The following TTLL13 variants were observed in gnomAD, a reference collection of about 807,000 sequenced individuals.
TTLL13 encodes tubulin tyrosine ligase like 13, also known as tubulin polyglutamylase TTLL13.
At chr15:90,255,878 C>T in the TTLL13 span, 9 of 1,614,174 alleles carry the variant, frequency 5.6e-6, no homozygotes, top group Admixed American at 1.5e-4. Flanking sequence ...CTGGTGCCTC[C>T]CCGCAGAGTG....
At chr15:90,253,480 A>C in the TTLL13 span, 49 of 587,976 alleles carry the variant, frequency 8.3e-5, no homozygotes, top group Middle Eastern at 1.1e-3. Context: ...CCCCTTGTGC[A>C]GACAAGAAAG....
the TTLL13 span, chr15:90,255,635 T>G: frequency 6.9e-7 from 1 of 1,438,886 alleles, no homozygotes; most frequent in Non-Finnish European, 9.6e-7. Context: ...GGTGCAGTGC[T>G]TACCTCCACT....
At chr15:90,257,641 A>G in the TTLL13 span, 3 of 1,614,140 alleles carry the variant, frequency 1.9e-6, no homozygotes, top group Non-Finnish European at 2.5e-6. Flanking sequence ...CCACAGGACA[A>G]TGTCTGCATG....
the TTLL13 span, chr15:90,265,088 C>T: frequency 7.5e-7 from 1 of 1,332,922 alleles, no homozygotes; most frequent in African/African-American, 1.5e-5. Flanking sequence ...TGCCCAGGAA[C>T]CCCATTTGTA....
At chr15:90,250,646 T>A in the TTLL13 span, 1 of 1,614,040 alleles carries the variant, frequency 6.2e-7, no homozygotes, top group Non-Finnish European at 8.5e-7. Flanking sequence ...GCCGAGTACC[T>A]GTAGGACCAT....
At chr15:90,262,612 A>C in the TTLL13 span, 1 of 1,532,186 alleles carries the variant, frequency 6.5e-7, no homozygotes, top group South Asian at 1.2e-5. Context: ...GACCCAGGGC[A>C]GGGCTCCAGA....
chr15:90,258,318 T>G, the TTLL13 span: 1 of 1,510,012 alleles, frequency 6.6e-7, no homozygotes, highest in African/African-American at 1.4e-5. Flanking sequence ...AGAGGCCTCC[T>G]TGAATAGGAC....
the TTLL13 span, among the ~76,000 whole-genome samples, chr15:90,259,443 A>T: frequency 1.3e-5 from 2 of 151,992 alleles, no homozygotes; most frequent in Non-Finnish European, 2.9e-5. Context: ...AAAAATACAG[A>T]GGGTAGTCTT....
chr15:90,255,663 CT>C, the TTLL13 span: 3 of 1,575,222 alleles, frequency 1.9e-6, no homozygotes, highest in Non-Finnish European at 1.7e-6. Flanking sequence ...CTCCCTTAAC[CT>C]TCCCAATCCT....
the TTLL13 span, chr15:90,256,113 CT>C: frequency 1.9e-6 from 3 of 1,610,644 alleles, no homozygotes; most frequent in Non-Finnish European, 2.5e-6. Flanking sequence ...GCACAGAAAC[CT>C]TTTGACCAGG....
At chr15:90,263,060 T>C in the TTLL13 span, 2 of 1,535,990 alleles carry the variant, frequency 1.3e-6, no homozygotes, top group African/African-American at 2.7e-5. Flanking sequence ...AGGGAGACTC[T>C]CATCCGAAGC....
chr15:90,262,511 C>T, the TTLL13 span: 13 of 1,506,536 alleles, frequency 8.6e-6, no homozygotes, highest in Admixed American at 2.3e-5. Context: ...AGAGGAGATC[C>T]GCCTTAAGCA....
chr15:90,250,436 C>G, the TTLL13 span, among the ~76,000 whole-genome samples: 1 of 152,152 alleles, frequency 6.6e-6, no homozygotes. Flanking sequence ...GTCTTCCACC[C>G]CCATGCACCT....
the TTLL13 span, chr15:90,255,697 C>T: frequency 1.2e-6 from 2 of 1,611,658 alleles, no homozygotes; most frequent in African/African-American, 2.7e-5. Context: ...CCTGGGATGC[C>T]CAGGTGCTAG....
chr15:90,262,163 G>T, the TTLL13 span: 125 of 1,535,164 alleles, frequency 8.1e-5, no homozygotes, highest in Non-Finnish European at 1.0e-4. Context: ...AGAGACTGCT[G>T]CTTCCAAGGC....
At chr15:90,253,296 G>T in the TTLL13 span, 4 of 1,613,870 alleles carry the variant, frequency 2.5e-6, no homozygotes, top group Non-Finnish European at 3.4e-6. Context: ...GGGGGAGGAT[G>T]AAGAGTGGAC....
At chr15:90,253,254 C>T in the TTLL13 span, 32 of 1,613,342 alleles carry the variant, frequency 2.0e-5, no homozygotes, top group East Asian at 3.1e-4. Flanking sequence ...TGCAGTGCGT[C>T]GGGCAGCCCA....
the TTLL13 span, among the ~76,000 whole-genome samples, chr15:90,260,186 T>C: frequency 6.6e-6 from 1 of 152,128 alleles, no homozygotes; most frequent in South Asian, 2.1e-4. Context: ...TACACTAGAG[T>C]ACTAGGCAGC....
At chr15:90,264,621 GC>G in the TTLL13 span, 1 of 1,351,266 alleles carries the variant, frequency 7.4e-7, no homozygotes, top group Non-Finnish European at 1.0e-6. Flanking sequence ...AGCATGAGAT[GC>G]CCTTCCTCTG....
Sources: allele counts gnomAD v4.1 joint callset (sites outside exome capture counted in the v4.1 genomes callset), GRCh38; gene constraint gnomAD v4.1.1; transcripts MANE v1.5; gene names NCBI Gene and HGNC (gene_info 2026-07-23, HGNC 2026-07-21).